The following ZFYVE16 variants were observed in gnomAD, a reference collection of about 807,000 sequenced individuals.
ZFYVE16 encodes the protein zinc finger FYVE domain-containing protein 16.
Under a neutral mutation model 138.1 loss-of-function variants are expected in ZFYVE16, and 89 were observed. The observed-to-expected ratio is 0.64, with a 90% CI of 0.54 to 0.77. ZFYVE16 has a LOEUF of 0.77. Among genes scored for constraint, ZFYVE16 ranks in the 30% least tolerant of loss-of-function variants. The pLI, the probability that ZFYVE16 is intolerant of heterozygous loss-of-function variation, is 0.00. For synonymous variants in ZFYVE16, 596 were observed against 618.3 expected, an observed-to-expected ratio of 0.96 and a Z score of 0.53; for missense variants, 1,793 against 1,786.7, an observed-to-expected ratio of 1.00 and a Z score of -0.06.
rs185088626 is a variant in ZFYVE16 at position 80,411,383 on chromosome 5, T to C, written c.-94+3230T>C. Among the ~76,000 whole-genome samples, 355 of 152,296 alleles carry C rather than the reference T, an allele frequency of 2.3e-3. 2 individuals carry two copies. The highest frequency in any genetic ancestry group is 8.4e-3 in the African/African-American group (348 of 41,574). ...TCCTAGATTTATAGTATTACTAACA[T>C]CATTAATGTTTGTTCCTTCATATTT... On this transcript the variant is annotated intron_variant, in intron 1 of 18. Transcript: ENST00000505560.
Position 80,473,857 on chromosome 5 carries a change from G to T in ZFYVE16, c.4291G>T (p.Glu1431Ter). Residue 1431 changes from glutamate to a stop codon, truncating the protein, a stop_gained and splice_region_variant, in exon 17 of 19, where the codon GAG becomes TAG. Coordinates refer to ENST00000505560, the MANE Select transcript of ZFYVE16 (RefSeq NM_001284236.3). LOFTEE classifies it high-confidence loss of function. The part of the protein sequence containing the change: ...ETDEKIVKCT[E>*]VFYFLKDQDL... The stretch of plus-strand genomic sequence containing the variant: ...CGATGAGAAGATTGTAAAATGTACC[G>T]AGGTAACTAAGAAAGAAGGTCCCTT... 1 of 1,609,970 alleles carries T rather than the reference G, an allele frequency of 6.2e-7. No individual in the cohort carries two copies. Among genetic ancestry groups the T allele is most frequent in the South Asian group, 1.1e-5 (1 of 90,408 alleles).
intron 11 of ZFYVE16, among the ~76,000 whole-genome samples, chr5:80,453,578 G>A (rs983531992): frequency 6.6e-6 from 1 of 152,196 alleles, no homozygotes; most frequent in African/African-American, 2.4e-5. Context: ...GTAATGAGGG[G>A]AAATTGTCAG....
rs1750058120 is a variant in ZFYVE16 at position 80,437,238 on chromosome 5, G to A, written c.553G>A (p.Val185Ile). The A allele has an allele frequency of 6.2e-7, 1 of 1,613,666 alleles. No individual in the cohort carries two copies. Among genetic ancestry groups the A allele is most frequent in the Non-Finnish European group, 8.5e-7 (1 of 1,179,710 alleles). ...VSSTDHDSDTVREQQNDISSE... is the reference protein window; with the variant it reads ...VSSTDHDSDTIREQQNDISSE... ...TTCAACAGACCATGATAGTGATACT[G>A]TCAGAGAACAACAGAATGATATCAG... Residue 185 changes from valine to isoleucine, a missense_variant, in exon 4 of 19, where the codon GTC (valine) becomes ATC (isoleucine). By Grantham distance (29) the Val-to-Ile change is conservative. Transcript: ENST00000505560.
intron 6 of ZFYVE16, 112 bp from the exon 7 acceptor site, chr5:80,445,151 G>A (rs62365285): frequency 0.17 from 193,280 of 1,148,074 alleles, 17,460 homozygotes; most frequent in Middle Eastern, 0.28. Context: ...TGAGAATTCA[G>A]GGGTTGCCAG....
chr5:80,445,762 CTT>C (rs57916591), intron 7 of ZFYVE16, among the ~76,000 whole-genome samples: 190 of 146,856 alleles, frequency 1.3e-3, no homozygotes, highest in Non-Finnish European at 1.5e-3. Flanking sequence ...TTTTTAATTA[CTT>C]TTTTTTTTTT....
intron 2 of ZFYVE16, among the ~76,000 whole-genome samples, chr5:80,433,404 A>C (rs1159359139): frequency 6.6e-6 from 1 of 152,170 alleles, no homozygotes; most frequent in Admixed American, 6.6e-5. Context: ...ACCTGGACAC[A>C]GGAAGGGGAA....
chr5:80,450,377 G>T, intron 9 of ZFYVE16, 54 bp from the exon 10 acceptor site: 1 of 1,554,560 alleles, frequency 6.4e-7, no homozygotes, highest in East Asian at 2.3e-5. Flanking sequence ...ATTGTTCTTA[G>T]TTTTTTGACT....
Position 80,445,356 on chromosome 5 carries a change from G to A in ZFYVE16, c.2675G>A (p.Ser892Asn), listed in dbSNP as rs1751194609. 6.2e-7 allele frequency: 1 copy of A among 1,613,824 alleles called. No homozygotes were observed. The highest frequency in any genetic ancestry group is 1.7e-5 in the Admixed American group (1 of 59,986). Reference sequence around the variant, plus strand: ...GATACAACAAAATTATCATCTGGAAGTAAAAGATGTTCTGAAGACTTTAGT... The same window carrying A: ...GATACAACAAAATTATCATCTGGAAATAAAAGATGTTCTGAAGACTTTAGT... Reference protein sequence around the residue: ...VADTTKLSSGSKRCSEDFSPL... With the variant: ...VADTTKLSSGNKRCSEDFSPL... Residue 892 changes from serine (S) to asparagine (N), a missense_variant, in exon 7 of 19, where the codon AGT becomes AAT. Coordinates refer to ENST00000505560, the MANE Select transcript of ZFYVE16 (RefSeq NM_001284236.3).
At chr5:80,458,185 CTT>C (rs1383440268) in intron 14 of ZFYVE16, among the ~76,000 whole-genome samples, 3 of 152,036 alleles carry the variant, frequency 2.0e-5, no homozygotes, top group Non-Finnish European at 4.4e-5. Context: ...TACTTTATCA[CTT>C]AACATGATAT....
intron 15 of ZFYVE16, among the ~76,000 whole-genome samples, chr5:80,470,312 A>C: frequency 6.6e-6 from 1 of 151,610 alleles, no homozygotes; most frequent in Admixed American, 6.6e-5. Flanking sequence ...CATGTTAGCC[A>C]GGATGGTCTC....
upstream of ZFYVE16, among the ~76,000 whole-genome samples, chr5:80,407,759 A>G (rs955878167): frequency 6.6e-6 from 1 of 152,150 alleles, no homozygotes; most frequent in African/African-American, 2.4e-5. Context: ...GCGAAGGGTA[A>G]AGGAAGTCAG....
rs769795629 is a variant in ZFYVE16 at position 80,438,012 on chromosome 5, C to G, written c.1327C>G (p.Leu443Val). 7 of 1,614,036 alleles carry G rather than the reference C, an allele frequency of 4.3e-6. No homozygotes were observed. In the East Asian group the frequency reaches 1.6e-4, roughly 36 times the overall value. The change falls in exon 4 of 19, where the codon CTC (leucine) becomes GTC (valine). Residue 443 changes from leucine to valine, a missense_variant. By Grantham distance (32) the Leu-to-Val change is conservative. Transcript: ENST00000505560. The stretch of plus-strand genomic sequence containing the variant: ...GAAACAGGAAAAATGTAAAAGCATA[C>G]TCCTTCAGTCATTAATTGAAGGGAT... The part of the protein sequence containing the change: ...LLKQEKCKSI[L>V]LQSLIEGMED...
intron 12 of ZFYVE16, 43 bp from the exon 13 acceptor site, chr5:80,456,418 A>G: frequency 1.4e-6 from 2 of 1,395,576 alleles, no homozygotes; most frequent in Middle Eastern, 3.5e-4. Context: ...ATAGAAAAAT[A>G]CTCATGGTTA....
At chr5:80,473,901 A>C (rs375268585) in intron 17 of ZFYVE16, 42 bp downstream of exon 17, 1 of 1,498,080 alleles carries the variant, frequency 6.7e-7, no homozygotes, top group African/African-American at 1.4e-5. Context: ...GTGTTTCAAT[A>C]TGATTTTTGT....
chr5:80,441,867 A>T, intron 5 of ZFYVE16: 4 of 985,368 alleles, frequency 4.1e-6, no homozygotes, highest in Non-Finnish European at 4.8e-6. Flanking sequence ...GAAATGCTGA[A>T]GGGAGAGCTA....
At chr5:80,451,373 G>A (rs1042806620) in intron 10 of ZFYVE16, 112 bp from the exon 11 acceptor site, 9 of 749,278 alleles carry the variant, frequency 1.2e-5, no homozygotes, top group Non-Finnish European at 1.9e-5. Flanking sequence ...TTTATATTGG[G>A]ACAGTTTATA....
intron 18 of ZFYVE16, among the ~76,000 whole-genome samples, chr5:80,476,393 C>A (rs549718076): frequency 6.6e-6 from 1 of 152,180 alleles, no homozygotes; most frequent in African/African-American, 2.4e-5. Context: ...AACTCCTGGG[C>A]TCAAGCAGTT....
chr5:80,465,386 T>A (rs149564557), intron 15 of ZFYVE16, among the ~76,000 whole-genome samples: 1,794 of 139,582 alleles, frequency 0.013, 26 homozygotes, highest in African/African-American at 0.044. Context: ...GTTTCTTTTT[T>A]TTTCCTTTTC....
At chr5:80,441,936 C>T in intron 5 of ZFYVE16, 2 of 985,000 alleles carry the variant, frequency 2.0e-6, no homozygotes, top group Non-Finnish European at 2.4e-6. Context: ...CACTATTCTG[C>T]ATTCTGAAGT....
Sources: allele counts gnomAD v4.1 joint callset (sites outside exome capture counted in the v4.1 genomes callset), GRCh38; gene constraint gnomAD v4.1.1; transcripts MANE v1.5; gene names NCBI Gene and HGNC (gene_info 2026-07-23, HGNC 2026-07-21).